The following OPCML variants were observed in gnomAD, a reference collection of about 807,000 sequenced individuals.
OPCML encodes opioid-binding protein/cell adhesion molecule.
A neutral mutation model predicts 37.8 loss-of-function variants in OPCML; 13 were observed. That is an observed-to-expected ratio of 0.34 (90% confidence interval 0.22 to 0.55). The LOEUF is 0.55. Among genes scored for constraint, OPCML ranks in the 20% least tolerant of loss-of-function variants. The pLI is 0.91. For synonymous variants in OPCML, 176 were observed against 168.8 expected (o/e 1.04, Z -0.33); for missense variants, 341 against 435.6 (o/e 0.78, Z 1.93).
At chr11:133,347,664 T>C (rs769199993) in intron 1 of OPCML, among the ~76,000 whole-genome samples, 1 of 152,220 alleles carries the variant, frequency 6.6e-6, no homozygotes, top group Non-Finnish European at 1.5e-5. Flanking sequence ...TATTTGGACA[T>C]AGCAGCATGC....
chr11:132,480,047 G>A (rs1195469989), intron 4 of OPCML, among the ~76,000 whole-genome samples: 3 of 152,182 alleles, frequency 2.0e-5, no homozygotes, highest in Non-Finnish European at 4.4e-5. Flanking sequence ...GAGAGAAGAA[G>A]GCTTCAGACG....
At chr11:132,894,960 C>T (rs1192823514) in intron 2 of OPCML, among the ~76,000 whole-genome samples, 1 of 152,184 alleles carries the variant, frequency 6.6e-6, no homozygotes, top group African/African-American at 2.4e-5. Context: ...AATAAATCCC[C>T]TCACATATAT....
chr11:132,650,080 C>T (rs568940835), intron 3 of OPCML, among the ~76,000 whole-genome samples: 3 of 152,184 alleles, frequency 2.0e-5, no homozygotes, highest in South Asian at 4.1e-4. Context: ...GTCCGCTTGA[C>T]GTGGGTTGTG....
At chr11:133,071,285 T>C (rs1948528384) in intron 1 of OPCML, among the ~76,000 whole-genome samples, 1 of 152,084 alleles carries the variant, frequency 6.6e-6, no homozygotes. Flanking sequence ...TGTGTGTATG[T>C]GTGTGTGTGT....
chr11:133,328,733 A>C (rs980573162), intron 1 of OPCML, among the ~76,000 whole-genome samples: 1 of 152,218 alleles, frequency 6.6e-6, no homozygotes, highest in East Asian at 1.9e-4. Flanking sequence ...ATCATACTGA[A>C]TGGGCAAAAA....
chr11:132,477,935 T>C (rs903031304), intron 4 of OPCML, among the ~76,000 whole-genome samples: 10 of 152,204 alleles, frequency 6.6e-5, no homozygotes, highest in Non-Finnish European at 1.5e-4. Flanking sequence ...AAATACTTTA[T>C]CAAATGTATG....
At chr11:132,946,872 C>T (rs1276551779) in intron 1 of OPCML, among the ~76,000 whole-genome samples, 1 of 152,196 alleles carries the variant, frequency 6.6e-6, no homozygotes, top group East Asian at 1.9e-4. Flanking sequence ...TGTACTTCAA[C>T]CTCTCAACTC....
At chr11:133,482,532 G>A in intron 1 of OPCML, among the ~76,000 whole-genome samples, 1 of 152,078 alleles carries the variant, frequency 6.6e-6, no homozygotes, top group East Asian at 1.9e-4. Flanking sequence ...GGGTGGCCGG[G>A]GCATGGCAGT....
chr11:133,462,467 A>C (rs1946880099), intron 1 of OPCML, among the ~76,000 whole-genome samples: 1 of 152,176 alleles, frequency 6.6e-6, no homozygotes, highest in African/African-American at 2.4e-5. Flanking sequence ...CAGAATATAG[A>C]AAGAACTACT....
intron 1 of OPCML, among the ~76,000 whole-genome samples, chr11:133,108,834 A>G (rs532797019): frequency 6.6e-6 from 1 of 152,306 alleles, no homozygotes; most frequent in African/African-American, 2.4e-5. Flanking sequence ...TACATAATGA[A>G]ACATATTTTA....
At chr11:132,593,230 A>T (rs1026605182) in intron 3 of OPCML, among the ~76,000 whole-genome samples, 1 of 152,096 alleles carries the variant, frequency 6.6e-6, no homozygotes, top group Admixed American at 6.6e-5. Context: ...ACAGAGGGAA[A>T]CAGCTTGGTG....
At chr11:132,948,774 G>T (rs970487252) in intron 1 of OPCML, among the ~76,000 whole-genome samples, 1 of 152,096 alleles carries the variant, frequency 6.6e-6, no homozygotes, top group South Asian at 2.1e-4. Context: ...ATGAATTATC[G>T]TTATGTAGCC....
intron 2 of OPCML, among the ~76,000 whole-genome samples, chr11:132,767,864 G>A (rs894944862): frequency 2.6e-5 from 4 of 151,946 alleles, no homozygotes; most frequent in Admixed American, 2.6e-4. Context: ...AACCTAGTAG[G>A]GATGGGGAGA....
At chr11:133,383,060 C>A (rs1033000885) in intron 1 of OPCML, among the ~76,000 whole-genome samples, 1 of 152,078 alleles carries the variant, frequency 6.6e-6, no homozygotes, top group Non-Finnish European at 1.5e-5. Context: ...AGGTCTCCCA[C>A]CTTAGTTAAT....
At chr11:132,568,789 G>A (rs932080052) in intron 3 of OPCML, among the ~76,000 whole-genome samples, 1 of 152,128 alleles carries the variant, frequency 6.6e-6, no homozygotes, top group Non-Finnish European at 1.5e-5. Flanking sequence ...TGGTAGCCCT[G>A]TGAAACTAAC....
At chr11:132,984,891 T>G (rs1039575230) in intron 1 of OPCML, among the ~76,000 whole-genome samples, 23 of 152,306 alleles carry the variant, frequency 1.5e-4, no homozygotes, top group South Asian at 4.1e-4. Flanking sequence ...TTACGCGTGG[T>G]GTATCCATGA....
chr11:132,518,207 T>C (rs1442441392), intron 4 of OPCML, among the ~76,000 whole-genome samples: 1 of 152,210 alleles, frequency 6.6e-6, no homozygotes, highest in African/African-American at 2.4e-5. Flanking sequence ...TAGCTATTTA[T>C]CTTGATGCTC....
chr11:133,001,666 C>G (rs1360440503), intron 1 of OPCML, among the ~76,000 whole-genome samples: 1 of 152,212 alleles, frequency 6.6e-6, no homozygotes, highest in Non-Finnish European at 1.5e-5. Context: ...GGAGTACCAG[C>G]CTTCCTGGTG....
intron 1 of OPCML, among the ~76,000 whole-genome samples, chr11:133,499,840 GTA>G (rs541359390): frequency 7.6e-6 from 1 of 132,102 alleles, no homozygotes; most frequent in South Asian, 2.3e-4. Context: ...ATATGTGTAT[GTA>G]TATATATATA....
Sources: allele counts gnomAD v4.1 joint callset (sites outside exome capture counted in the v4.1 genomes callset), GRCh38; gene constraint gnomAD v4.1.1; transcripts MANE v1.5; gene names NCBI Gene and HGNC (gene_info 2026-07-23, HGNC 2026-07-21).